Variants in GTPBP6 observed in about 807,000 individuals in gnomAD.
GTPBP6 encodes the protein putative GTP-binding protein 6.
Under a neutral mutation model 28.9 loss-of-function variants are expected in GTPBP6, and 33 were observed. The observed-to-expected ratio is 1.14, with a 90% CI of 0.87 to 1.53. The LOEUF is 1.53. Among genes scored for constraint, GTPBP6 ranks in the 40% most tolerant of loss-of-function variants. GTPBP6 has a pLI of 0.00. For synonymous variants in GTPBP6, 231 were observed against 192.7 expected (o/e 1.20, Z -1.65); for missense variants, 507 against 408.3 (o/e 1.24, Z -2.08).
chrX:313,668 C>T (rs748235149), intron 5 of GTPBP6, among the ~76,000 whole-genome samples: 3 of 152,178 alleles, frequency 2.0e-5, no homozygotes, highest in Admixed American at 6.5e-5. Context: ...TTGTAAGAGA[C>T]AGAAGAGGAG....
intron 9 of GTPBP6, among the ~76,000 whole-genome samples, chrX:305,652 G>C (rs1382101488): frequency 7.1e-6 from 1 of 141,768 alleles, no homozygotes; most frequent in Non-Finnish European, 1.5e-5. Flanking sequence ...TTGAGACAGA[G>C]TCTCGCTCTG....
chrX:305,182 C>G (rs780682244), exon 10 of GTPBP6: 1 of 1,613,598 alleles, frequency 6.2e-7, no homozygotes, highest in South Asian at 1.1e-5. Context: ...GAACTGTGGC[C>G]TCCTTATACA....
exon 8 of GTPBP6, chrX:307,811 T>G: frequency 6.4e-7 from 1 of 1,554,966 alleles, no homozygotes; most frequent in Non-Finnish European, 8.7e-7. Context: ...CCACGCAGCG[T>G]GGACAGAACG....
intron 5 of GTPBP6, among the ~76,000 whole-genome samples, chrX:313,234 TGAGC>T (rs1173669617): frequency 6.6e-6 from 1 of 152,246 alleles, no homozygotes; most frequent in Non-Finnish European, 1.5e-5. Context: ...GACGTCATCG[TGAGC>T]GGGCTCAGTG....
exon 1 of GTPBP6, chrX:318,475 C>G (rs2070481523): frequency 2.5e-6 from 1 of 398,440 alleles, no homozygotes; most frequent in African/African-American, 2.1e-5. Context: ...CCCCACTTGA[C>G]GTCAGGGTGA....
chrX:315,136 C>T (rs1420254565), intron 3 of GTPBP6, 93 bp downstream of exon 3: 4 of 398,056 alleles, frequency 1.0e-5, no homozygotes, highest in Middle Eastern at 6.2e-4. Context: ...CCATCTGTCC[C>T]CATCTGTCCC....
intron 9 of GTPBP6, among the ~76,000 whole-genome samples, chrX:306,062 C>T (rs1368859071): frequency 1.3e-5 from 2 of 152,242 alleles, no homozygotes; most frequent in Non-Finnish European, 2.9e-5. Context: ...CGGCATCCAG[C>T]TGGAGCTTGC....
At chrX:311,502 C>T (rs1192480653) in exon 7 of GTPBP6, 14 of 1,612,194 alleles carry the variant, frequency 8.7e-6, no homozygotes, top group East Asian at 2.2e-5. Flanking sequence ...ATGGTGTCCA[C>T]GTACAGGACG....
At chrX:312,292 G>A (rs1234437617) in intron 6 of GTPBP6, 1 of 442,252 alleles carries the variant, frequency 2.3e-6, no homozygotes, top group African/African-American at 2.1e-5. Context: ...GTGTACACGG[G>A]TGGATTATGT....
At chrX:316,460 C>G (rs1159374178) in intron 2 of GTPBP6, among the ~76,000 whole-genome samples, 1 of 152,158 alleles carries the variant, frequency 6.6e-6, no homozygotes, top group East Asian at 1.9e-4. Flanking sequence ...CCGACCCCCA[C>G]CTGGGCAAGT....
chrX:309,468 GAAAGAA>G (rs1160665380), intron 7 of GTPBP6, among the ~76,000 whole-genome samples: 16 of 128,316 alleles, frequency 1.2e-4, no homozygotes, highest in South Asian at 6.3e-4. Context: ...GTTTACGACA[GAAAGAA>G]AGAGATGTGG....
At chrX:309,727 C>A (rs1251671407) in intron 7 of GTPBP6, among the ~76,000 whole-genome samples, 1 of 142,560 alleles carries the variant, frequency 7.0e-6, no homozygotes, top group African/African-American at 2.7e-5. Context: ...TCACCTAGAG[C>A]CTCCAGAAGG....
rs1185705862 is a variant in GTPBP6 at position 315,311 on chromosome X, AG to A, written c.488-13del. On this transcript the variant is annotated splice_polypyrimidine_tract_variant and intron_variant, in intron 2 of 9. Coordinates refer to ENST00000326153, the Ensembl canonical transcript of GTPBP6. The stretch of plus-strand genomic sequence containing the variant: ...CCCTCGGATCTTTTCTAACAGAAAG[AG>A]GGGGTCCCGTCAGAGGCTGGCCGTC... 2.8e-5 allele frequency: 11 copies of A among 398,356 alleles called. No individual in the cohort carries two copies. Among genetic ancestry groups the A allele is most frequent in the Non-Finnish European group, 4.4e-5 (10 of 225,988 alleles). The allele number at this position is 398,356 out of a possible 1,614,324, so 24.7% of individuals were successfully genotyped here.
chrX:314,331 C>A (rs185886702), intron 4 of GTPBP6, 114 bp from the exon 5 acceptor site: 6 of 870,766 alleles, frequency 6.9e-6, no homozygotes, highest in African/African-American at 5.0e-5. Context: ...AAGGGAGGAG[C>A]CGCTGTTGCG....
chrX:314,203 C>G lies in GTPBP6; in HGVS notation c.704G>C (p.Arg235Thr), dbSNP rs753867772. ...TCCTCGGTACAGGTGGGCGACGTCCCTTTTCAAGTTCGACCTGGTGTGGGA... is the reference window on the plus strand; with the variant it reads ...TCCTCGGTACAGGTGGGCGACGTCCGTTTTCAAGTTCGACCTGGTGTGGGA... The change falls in exon 5 of 10, where the codon AGG becomes ACG. Residue 235 changes from arginine (R) to threonine (T), a missense_variant. Transcript: ENST00000326153. 50 of 1,613,412 alleles carry G rather than the reference C, an allele frequency of 3.1e-5. No homozygotes were observed. The African/African-American group carries it at 4.3e-4, about 14-fold the overall frequency.
chrX:307,551 G>C, intron 8 of GTPBP6, 39 bp from the exon 9 acceptor site: 1 of 1,600,668 alleles, frequency 6.2e-7, no homozygotes, highest in African/African-American at 1.3e-5. Flanking sequence ...GCTCAGCGTC[G>C]GGGCGGCCGG....
intron 9 of GTPBP6, among the ~76,000 whole-genome samples, 199 bp from the exon 10 acceptor site, chrX:305,396 A>G (rs1490722388): frequency 6.9e-6 from 1 of 144,096 alleles, no homozygotes; most frequent in Admixed American, 7.1e-5. Context: ...ATCTCAGCTC[A>G]CTGCAAGCTC....
intron 5 of GTPBP6, 79 bp from the exon 6 acceptor site, chrX:313,003 C>T (rs1256258282): frequency 4.0e-5 from 52 of 1,288,798 alleles, no homozygotes; most frequent in Non-Finnish European, 4.4e-5. Context: ...GGAGGGTCTG[C>T]GGGGGCCCGG....
intron 1 of GTPBP6, among the ~76,000 whole-genome samples, chrX:317,706 ACCCCACCCC>A (rs2070464640): frequency 0.17 from 963 of 5,572 alleles, 20 homozygotes; most frequent in African/African-American, 0.31. Flanking sequence ...ACCCCACCCC[ACCCCACCCC>A]ACCCCACCCC....
Sources: gnomAD v4.1 joint callset for allele counts (sites outside exome capture counted in the v4.1 genomes callset) on GRCh38, gnomAD v4.1.1 for gene constraint, MANE v1.5 for transcripts, NCBI Gene and HGNC (gene_info 2026-07-23, HGNC 2026-07-21) for gene names.